The following NOC2L variants were observed in gnomAD, a reference collection of about 807,000 sequenced individuals.
NOC2L encodes the protein nucleolar complex protein 2 homolog.
NOC2L carries 101 observed loss-of-function variants against 94.2 expected under a neutral mutation model. The observed-to-expected ratio is 1.07, with a 90% confidence interval of 0.91 to 1.26. The LOEUF is 1.26. Ranked by LOEUF, NOC2L falls within the 50% of genes most tolerant of loss-of-function variation. The probability of loss-of-function intolerance (pLI) is 0.00; values close to 1 mark genes in which losing one functional copy is unlikely to be tolerated. For missense variants in NOC2L, 1,076 were observed against 980.1 expected, an observed-to-expected ratio of 1.10 and a Z score of -1.31; for synonymous variants, 531 against 413.4, an observed-to-expected ratio of 1.28 and a Z score of -3.45.
Position 944,318 on chromosome 1 carries a change from G to C in NOC2L, c.*376C>G. On this transcript the variant is annotated 3_prime_UTR_variant, in exon 19 of 19. Transcript: ENST00000327044. ...AAAGGAACAAATTTTCAAAGACTTG[G>C]GGGAGTGAAGGCAGAGCCTGGTGCA... The C allele has an allele frequency of 7.2e-7, 1 of 1,390,000 alleles. No homozygotes were observed. The highest frequency in any genetic ancestry group is 9.3e-7 in the Non-Finnish European group (1 of 1,079,010). The allele number at this position is 1,390,000 out of a possible 1,614,324, so 86.1% of individuals were successfully genotyped here.
chr1:952,190 G>C, intron 10 of NOC2L, 51 bp from the exon 11 acceptor site: 1 of 1,600,448 alleles, frequency 6.2e-7, no homozygotes. Context: ...AAGTCAGGCT[G>C]ATGCACGTTC....
At chr1:956,323 G>T in intron 4 of NOC2L, 108 bp from the exon 5 acceptor site, 1 of 1,332,178 alleles carries the variant, frequency 7.5e-7, no homozygotes, top group Non-Finnish European at 1.0e-6. Flanking sequence ...CTCAGACATA[G>T]GGCAGAGGTT....
In NOC2L at chr1:951,161, C is replaced by A; in HGVS notation, c.1409G>T (p.Gly470Val). 6.3e-7 allele frequency: 1 copy of A among 1,592,910 alleles called. No homozygotes were observed. The highest frequency in any genetic ancestry group is 8.5e-7 in the Non-Finnish European group (1 of 1,169,818). ...GAAAGGCAGCACCGGGATGAAGGCC[C>A]CCGAGCTCCCCGAGAGCAGCGTCAG... ...RALTLLSGSS[G>V]AFIPVLPFIL... Residue 470 changes from glycine to valine, a missense_variant, in exon 12 of 19, where the codon GGG becomes GTG. Around this residue, in one of 3 missense-constraint regions of NOC2L, gnomAD observed 615 missense variants for 577.4 expected, o/e 1.07. Transcript: ENST00000327044.
rs1401021222 is a variant in NOC2L at position 946,452 on chromosome 1, AGATGTATGCC to A, written c.1743_1752del (p.Tyr583AlafsTer22). The A allele has an allele frequency of 1.4e-5, 23 of 1,613,234 alleles. No individual in the cohort carries two copies. The highest frequency in any genetic ancestry group is 1.7e-5 in the Non-Finnish European group (20 of 1,180,006). ...AAGGAAACCCTCTGGCGGCGGCTGC[AGATGTATGCC>A]GAGTTCTCCTGAACCTTCCCAAGCA... On this transcript the variant is annotated frameshift_variant, in exon 15 of 19. Transcript: ENST00000327044. LOFTEE classifies it high-confidence loss of function.
rs535371106 is a variant in NOC2L, at chr1:957,422, C to T, written c.180-149G>A. Reference sequence around the variant, plus strand: ...GTACGTTTTTGGCAGACTCACGTCTCCTACCCAACAACCTCTACAACATAC... The same window carrying T: ...GTACGTTTTTGGCAGACTCACGTCTTCTACCCAACAACCTCTACAACATAC... On this transcript the variant is annotated intron_variant, in intron 2 of 18. Coordinates refer to ENST00000327044, the MANE Select transcript of NOC2L (RefSeq NM_015658.4). The T allele has an allele frequency of 1.3e-5, 9 of 695,426 alleles. No homozygotes were observed. The South Asian group carries it at 1.6e-4, about 13-fold the overall frequency. The allele number at this position is 695,426 out of a possible 1,614,324, so 43.1% of individuals were successfully genotyped here.
intron 12 of NOC2L, among the ~76,000 whole-genome samples, chr1:949,562 C>T (rs747489131): frequency 6.6e-6 from 1 of 152,184 alleles, no homozygotes; most frequent in African/African-American, 2.4e-5. Flanking sequence ...TGCATCCCTG[C>T]GTGAGAGGGG....
In NOC2L at chr1:952,597, T is replaced by C. The variant is rs1642289693; in HGVS notation, c.1006A>G (p.Met336Val). ...CAGTTCCTCACATACGTGATGTACA[T>C]TTGCTGCGGAGAGACCCGGGTCAGA... Reference protein sequence around the residue: ...DTFLGPVLKQMYITYVRNCKF... With the variant: ...DTFLGPVLKQVYITYVRNCKF... Residue 336 changes from methionine to valine, a missense_variant, in exon 10 of 19, where the codon ATG becomes GTG. Transcript: ENST00000327044. The C allele has an allele frequency of 2.5e-6, 4 of 1,613,490 alleles. No homozygotes were observed. Among genetic ancestry groups the C allele is most frequent in the African/African-American group, 2.7e-5 (2 of 74,916 alleles).
At chr1:951,882 C>T (rs557707097) in intron 11 of NOC2L, 118 bp downstream of exon 11, 65 of 1,153,332 alleles carry the variant, frequency 5.6e-5, no homozygotes, top group African/African-American at 4.2e-4. Context: ...TCCTCAGGGA[C>T]GGCCAGGACA....
chr1:946,831 G>A, intron 14 of NOC2L: 1 of 301,804 alleles, frequency 3.3e-6, no homozygotes, highest in Non-Finnish European at 6.3e-6. Context: ...GCTGAGGCGG[G>A]TGGATCACCT....
intron 14 of NOC2L, 161 bp from the exon 15 acceptor site, chr1:946,706 G>C: frequency 1.2e-6 from 1 of 815,314 alleles, no homozygotes; most frequent in Non-Finnish European, 1.9e-6. Flanking sequence ...CAGCTGGGAT[G>C]GCAGAGGCAG....
chr1:946,381 C>T (rs1240014998), intron 15 of NOC2L, 21 bp downstream of exon 15: 2 of 1,613,362 alleles, frequency 1.2e-6, no homozygotes, highest in African/African-American at 1.3e-5. Flanking sequence ...TCAGGTGGCA[C>T]TACCCCCAGG....
At chr1:948,469 T>C (rs764516117) in intron 13 of NOC2L, 21 bp downstream of exon 13, 1 of 1,538,118 alleles carries the variant, frequency 6.5e-7, no homozygotes, top group Non-Finnish European at 9.0e-7. Context: ...CCCAGGCCCC[T>C]CCCCAGGAGG....
Position 945,061 on chromosome 1 carries a change from C to CA in NOC2L, c.2138_2139insT (p.Glu714GlyfsTer63). On this transcript the variant is annotated frameshift_variant, in exon 18 of 19. Coordinates refer to ENST00000327044, the MANE Select transcript of NOC2L (RefSeq NM_015658.4). LOFTEE classifies it low-confidence loss of function (END_TRUNC). The stretch of plus-strand genomic sequence containing the variant: ...TCTCACCCCAAGACCATTCACCCTC[C>CA]GAGTTGCTGCTGTCCTCCTCGCCCT... 1.2e-6 allele frequency: 2 copies of CA among 1,614,044 alleles called. No individual in the cohort carries two copies. The highest frequency in any genetic ancestry group is 8.5e-7 in the Non-Finnish European group (1 of 1,179,992).
rs1217646960 is a variant in NOC2L, at chr1:944,726, G to T, written c.2218C>A (p.Leu740Met). The change falls in exon 19 of 19, where the codon CTG becomes ATG. Residue 740 changes from leucine to methionine, a missense_variant. Leu to Met is a conservative substitution (Grantham distance 15, BLOSUM62 2). This residue lies in a region of NOC2L where 615 missense variants were observed against 577.4 expected (regional missense o/e 1.07). Coordinates refer to ENST00000327044, the MANE Select transcript of NOC2L (RefSeq NM_015658.4). Reference sequence around the variant, plus strand: ...TCCTCTGAGAGCTGCAGATCCTCCAGCTCGTCCTCCGGCCCCTGGGCCAGC... The same window carrying T: ...TCCTCTGAGAGCTGCAGATCCTCCATCTCGTCCTCCGGCCCCTGGGCCAGC... ...QQLAQGPEDE[L>M]EDLQLSEDD 1.2e-6 allele frequency: 2 copies of T among 1,600,540 alleles called. No homozygotes were observed. The highest frequency in any genetic ancestry group is 1.7e-6 in the Non-Finnish European group (2 of 1,178,776).
chr1:950,941 A>G (rs1384356327), intron 12 of NOC2L, among the ~76,000 whole-genome samples, 186 bp downstream of exon 12: 1 of 152,146 alleles, frequency 6.6e-6, no homozygotes, highest in Non-Finnish European at 1.5e-5. Context: ...CTTCATCCCC[A>G]GTGGTCCCAC....
chr1:948,193 ACTCCAGGGTGAGGTCGTACAGCTG>A lies in NOC2L; in HGVS notation c.1573_1596del (p.Gln525_Glu532del). 1 of 1,589,908 alleles carries A rather than the reference ACTCCAGGGTGAGGTCGTACAGCTG, an allele frequency of 6.3e-7. No homozygotes were observed. The highest frequency in any genetic ancestry group is 1.8e-5 in the Admixed American group (1 of 56,936). On this transcript the variant is annotated inframe_deletion, in exon 14 of 19. Transcript: ENST00000327044. The stretch of plus-strand genomic sequence containing the variant: ...ATGCAGTGTGCCTGGCTGTGCAGGT[ACTCCAGGGTGAGGTCGTACAGCTG>A]CTCCACCAGGCCGTCCTGAAGAGCA...
chr1:945,599 C>T lies in NOC2L; in HGVS notation c.1972G>A (p.Asp658Asn). The T allele has an allele frequency of 2.5e-6, 4 of 1,614,184 alleles. No homozygotes were observed. In the South Asian group the frequency reaches 4.4e-5, roughly 18 times the overall value. Reference sequence around the variant, plus strand: ...TCTTTAAATTGCTTCCTGTCCTCATCCTTCCTGTCAGCCATCTTCCTTCGT... The same window carrying T: ...TCTTTAAATTGCTTCCTGTCCTCATTCTTCCTGTCAGCCATCTTCCTTCGT... ...IKRRKMADRK[D>N]EDRKQFKDLF... is the part of the protein sequence containing the mutation. The change falls in exon 17 of 19, where the codon GAT becomes AAT. Residue 658 changes from aspartate to asparagine, a missense_variant. Coordinates refer to ENST00000327044, the MANE Select transcript of NOC2L (RefSeq NM_015658.4).
Position 952,596 on chromosome 1 carries a change from A to G in NOC2L, c.1007T>C (p.Met336Thr), listed in dbSNP as rs774663902. The G allele has an allele frequency of 2.1e-5, 34 of 1,613,466 alleles. No individual in the cohort carries two copies. Among genetic ancestry groups the G allele is most frequent in the Non-Finnish European group, 2.3e-5 (27 of 1,179,986 alleles). The change falls in exon 10 of 19, where the codon ATG becomes ACG. Residue 336 changes from methionine (M) to threonine (T), a missense_variant. Met to Thr is a moderately conservative substitution (Grantham distance 81). Coordinates refer to ENST00000327044, the MANE Select transcript of NOC2L (RefSeq NM_015658.4). Reference sequence around the variant, plus strand: ...GCAGTTCCTCACATACGTGATGTACATTTGCTGCGGAGAGACCCGGGTCAG... The same window carrying G: ...GCAGTTCCTCACATACGTGATGTACGTTTGCTGCGGAGAGACCCGGGTCAG... Reference protein sequence around the residue: ...DTFLGPVLKQMYITYVRNCKF... With the variant: ...DTFLGPVLKQTYITYVRNCKF...
At position 955,966 on chromosome 1, in the gene NOC2L, G is replaced by A. The variant is rs372730403; in HGVS notation, c.655C>T (p.Leu219Phe). ...TFCIRDLIGC[L>F]QKLLFGKVAK... ...ACCTTTCCAAACAGCAGCTTCTGGA[G>A]ACAGCCAATGAGGTCTCTGATGCAG... The change falls in exon 6 of 19, where the codon CTC becomes TTC. Residue 219 changes from leucine to phenylalanine, a missense_variant. This residue lies in a region of NOC2L where 457 missense variants were observed against 386.0 expected (regional missense o/e 1.18). Transcript: ENST00000327044. The A allele has an allele frequency of 6.1e-5, 98 of 1,613,676 alleles. No individual in the cohort carries two copies. The highest frequency in any genetic ancestry group is 7.5e-5 in the Non-Finnish European group (88 of 1,180,012).
Sources: gnomAD v4.1 joint callset for allele counts (sites outside exome capture counted in the v4.1 genomes callset) on GRCh38, gnomAD v4.1.1 for gene constraint, gnomAD v4.1.1 regional missense constraint, MANE v1.5 for transcripts, NCBI Gene and HGNC (gene_info 2026-07-23, HGNC 2026-07-21) for gene names.